RELN: variants seen among roughly 807,000 people sequenced by gnomAD.
RELN encodes reelin.
In RELN, 108 loss-of-function variants were observed where a neutral mutation model predicts 427.6. The ratio of observed to expected loss-of-function variants is 0.25; its 90% CI spans 0.22 to 0.30. The LOEUF (loss-of-function observed/expected upper bound fraction) is 0.30, where lower values mean the gene tolerates loss of function less well. Ranked by LOEUF, RELN falls within the 10% of genes least tolerant of loss-of-function variation. The pLI is 1.00. For missense variants in RELN, 3,715 were observed against 4,302.8 expected (o/e 0.86, Z 3.82); for synonymous variants, 1,524 against 1,513.4 (o/e 1.01, Z -0.16).
intron 1 of RELN, among the ~76,000 whole-genome samples, chr7:103,951,769 T>C (rs1399320217): frequency 6.6e-6 from 1 of 152,064 alleles, no homozygotes; most frequent in Non-Finnish European, 1.5e-5. Flanking sequence ...ACCTCCCAGG[T>C]TCAAGCAATT....
chr7:103,894,561 C>T (rs1021223760), intron 2 of RELN, among the ~76,000 whole-genome samples: 2 of 151,804 alleles, frequency 1.3e-5, no homozygotes, highest in African/African-American at 4.8e-5. Flanking sequence ...CAAATACGTT[C>T]GAAGAATGAC....
intron 3 of RELN, among the ~76,000 whole-genome samples, chr7:103,779,257 T>C (rs1791826076): frequency 2.6e-5 from 4 of 152,168 alleles, no homozygotes; most frequent in Non-Finnish European, 4.4e-5. Flanking sequence ...GTTCTAATTA[T>C]TTAATTTTCT....
chr7:103,482,456 TG>T (rs532263397), intron 63 of RELN, among the ~76,000 whole-genome samples: 147 of 152,342 alleles, frequency 9.6e-4, no homozygotes, highest in Middle Eastern at 3.4e-3. Flanking sequence ...CATCATTCAA[TG>T]GAGAATGTCT....
At chr7:103,639,145 A>T (rs922298521) in intron 17 of RELN, among the ~76,000 whole-genome samples, 1 of 152,204 alleles carries the variant, frequency 6.6e-6, no homozygotes, top group Non-Finnish European at 1.5e-5. Context: ...CCAATGTTTC[A>T]TAGATCTACT....
At position 103,651,651 on chromosome 7, in the gene RELN, A is replaced by T; in HGVS notation, c.1892+10T>A. 1 of 1,610,194 alleles carries T rather than the reference A, an allele frequency of 6.2e-7. No homozygotes were observed. The highest frequency in any genetic ancestry group is 1.7e-5 in the Admixed American group (1 of 59,774). ...CAAGTATTTCAATATCTCAGAGAGA[A>T]TGTACTCACCCACTGTAGTTTTCAG... On this transcript the variant is annotated intron_variant, in intron 15 of 64. Coordinates refer to ENST00000428762, the MANE Select transcript of RELN (RefSeq NM_005045.4).
intron 4 of RELN, among the ~76,000 whole-genome samples, chr7:103,768,329 T>C (rs1400210076): frequency 1.3e-5 from 2 of 152,026 alleles, no homozygotes; most frequent in African/African-American, 2.4e-5. Context: ...CAGATGGGCA[T>C]GTGTTTACAA....
rs1442369556 is a variant in RELN at position 103,626,469 on chromosome 7, A to G, written c.2702+3471T>C. The stretch of plus-strand genomic sequence containing the variant: ...GGATTCAAGCGATTCTTGTGCCTCA[A>G]CCTCCCAAATAGCTGGGATTACAGG... On this transcript the variant is annotated intron_variant, in intron 20 of 64. Transcript: ENST00000428762. The surrounding 1 kb of genome is among the most constrained non-coding windows in gnomAD (Gnocchi z 4.4). Among the ~76,000 whole-genome samples, 1 of 152,046 alleles carries G rather than the reference A, an allele frequency of 6.6e-6. No homozygotes were observed. The highest frequency in any genetic ancestry group is 1.5e-5 in the Non-Finnish European group (1 of 67,930).
chr7:103,881,027 A>T (rs970679188), intron 2 of RELN, among the ~76,000 whole-genome samples: 21 of 152,166 alleles, frequency 1.4e-4, no homozygotes, highest in Non-Finnish European at 4.4e-5. Flanking sequence ...CTATTAATGT[A>T]ATATTAAAGC....
At chr7:103,915,660 G>GC (rs3216276) in intron 2 of RELN, among the ~76,000 whole-genome samples, 6,074 of 151,972 alleles carry the variant, frequency 0.04, 291 homozygotes, top group East Asian at 0.21. Flanking sequence ...CAATGCTCAG[G>GC]CCCTCACCCC....
At chr7:103,877,178 T>C (rs777356436) in intron 2 of RELN, among the ~76,000 whole-genome samples, 15 of 152,144 alleles carry the variant, frequency 9.9e-5, no homozygotes, top group Non-Finnish European at 1.5e-4. Flanking sequence ...TCTCCCTTTC[T>C]CCTGCAGGGT....
intron 20 of RELN, among the ~76,000 whole-genome samples, chr7:103,614,559 A>T (rs1832037473): frequency 6.6e-6 from 1 of 151,772 alleles, no homozygotes; most frequent in Non-Finnish European, 1.5e-5. Context: ...TTAGATAAAG[A>T]CCTCTCTGCT....
At chr7:103,630,845 TTTTTTGTTTTTTTTG>T (rs1832439387) in intron 19 of RELN, among the ~76,000 whole-genome samples, 3 of 68,310 alleles carry the variant, frequency 4.4e-5, no homozygotes, top group South Asian at 4.8e-4. Flanking sequence ...GCTGAGTTAT[TTTTTTGTTTTTTTTG>T]TTTTTTTTTT....
chr7:103,835,158 T>G (rs549808054), intron 2 of RELN, among the ~76,000 whole-genome samples: 1 of 152,286 alleles, frequency 6.6e-6, no homozygotes, highest in East Asian at 1.9e-4. Flanking sequence ...TAAAGGAAAC[T>G]TAATATGCGT....
rs1562935524 is a variant in RELN, at chr7:103,640,414, T to C, written c.2069+129A>G. 2 of 858,034 alleles carry C rather than the reference T, an allele frequency of 2.3e-6. No individual in the cohort carries two copies. Among genetic ancestry groups the C allele is most frequent in the Non-Finnish European group, 3.8e-6 (2 of 521,852 alleles). The allele number at this position is 858,034 out of a possible 1,614,324, so 53.2% of individuals were successfully genotyped here. A position where few individuals can be genotyped will look rare whatever the true frequency, so the allele number is the denominator to read the frequency against. On this transcript the variant is annotated intron_variant, in intron 17 of 64. Coordinates refer to ENST00000428762, the MANE Select transcript of RELN (RefSeq NM_005045.4). This position sits in a 1 kb window ranked among gnomAD's most constrained non-coding sequence, Gnocchi z 4.1. Reference sequence around the variant, plus strand: ...CATTTGAATTACACTTAAGTTCTAATAGAAATATCCAACTTTTTGTCTTAA... The same window carrying C: ...CATTTGAATTACACTTAAGTTCTAACAGAAATATCCAACTTTTTGTCTTAA...
intron 61 of RELN, among the ~76,000 whole-genome samples, chr7:103,485,229 CAAAAA>C (rs35324403): frequency 9.8e-4 from 95 of 96,486 alleles, no homozygotes; most frequent in African/African-American, 2.6e-3. Context: ...TTTGGCAGGC[CAAAAA>C]AAAAAAAAAA....
rs1831727709 is a variant in RELN at position 103,603,459 on chromosome 7, G to A, written c.3178C>T (p.His1060Tyr). 1 of 1,613,910 alleles carries A rather than the reference G, an allele frequency of 6.2e-7. No individual in the cohort carries two copies. The highest frequency in any genetic ancestry group is 8.5e-7 in the Non-Finnish European group (1 of 1,179,836). ...CDQGYQGTEC[H>Y]PEAALPSTIM... The stretch of plus-strand genomic sequence containing the variant: ...GTGGACGGAAGGGCAGCTTCTGGGT[G>A]GCATTCAGTGCCTTGGTACCCCTGG... The change falls in exon 24 of 65, where the codon CAC (histidine) becomes TAC (tyrosine). Residue 1060 changes from histidine to tyrosine, a missense_variant. His to Tyr is a moderately conservative substitution (Grantham distance 83, BLOSUM62 2). Transcript: ENST00000428762. The surrounding 1 kb of genome is among the most constrained non-coding windows in gnomAD (Gnocchi z 4.3).
intron 3 of RELN, among the ~76,000 whole-genome samples, chr7:103,806,615 A>G (rs764290549): frequency 2.0e-5 from 3 of 152,118 alleles, no homozygotes; most frequent in African/African-American, 4.8e-5. Flanking sequence ...GTGAGCCACC[A>G]TGCCCGGCCA....
chr7:103,903,985 C>T (rs1795139300), intron 2 of RELN, among the ~76,000 whole-genome samples: 1 of 152,076 alleles, frequency 6.6e-6, no homozygotes, highest in Non-Finnish European at 1.5e-5. Context: ...GCTATTTGTC[C>T]TAATGCTCTC....
chr7:103,481,449 A>C (rs1828233378), intron 63 of RELN, among the ~76,000 whole-genome samples: 1 of 152,166 alleles, frequency 6.6e-6, no homozygotes, highest in Non-Finnish European at 1.5e-5. Flanking sequence ...TTGAAAGATA[A>C]GAAGTGGTTA....
Sources: allele counts gnomAD v4.1 joint callset (sites outside exome capture counted in the v4.1 genomes callset), GRCh38; gene constraint gnomAD v4.1.1; non-coding constraint Gnocchi (gnomAD v3.1); transcripts MANE v1.5; gene names NCBI Gene and HGNC (gene_info 2026-07-23, HGNC 2026-07-21).